The following EVL variants were observed in gnomAD, a reference collection of about 807,000 sequenced individuals.
EVL encodes ena/VASP-like protein.
EVL carries 21 observed loss-of-function variants against 59.6 expected under a neutral mutation model. The observed-to-expected ratio is 0.35, with a 90% CI of 0.25 to 0.51. EVL has a LOEUF of 0.51. Among genes scored for constraint, EVL ranks in the 20% least tolerant of loss-of-function variants. The pLI is 0.97. For missense variants in EVL, 462 were observed against 546.6 expected (o/e 0.85, Z 1.54); for synonymous variants, 198 against 203.5 (o/e 0.97, Z 0.23).
Position 100,098,664 on chromosome 14 carries a change from C to T in EVL, c.358+1006C>T, listed in dbSNP as rs545011007. The stretch of plus-strand genomic sequence containing the variant: ...AACAAGGCTTTCCCAGGATGGGTGT[C>T]TTGATTGACTGGGTTATGGTCCTGC... On this transcript the variant is annotated intron_variant, in intron 3 of 13. Coordinates refer to ENST00000392920, the MANE Select transcript of EVL (RefSeq NM_016337.3). Among the ~76,000 whole-genome samples, 281 of 152,284 alleles carry T rather than the reference C, an allele frequency of 1.8e-3. 1 individual carries two copies. Among genetic ancestry groups the T allele is most frequent in the Non-Finnish European group, 3.3e-3 (225 of 68,016 alleles).
chr14:99,987,064 A>T (rs528623611), intron 1 of EVL, among the ~76,000 whole-genome samples: 2 of 152,362 alleles, frequency 1.3e-5, no homozygotes, highest in African/African-American at 4.8e-5. Context: ...GATTTTATCA[A>T]AATTAAAAAT....
intron 1 of EVL, among the ~76,000 whole-genome samples, chr14:99,998,478 T>C (rs1055132855): frequency 1.3e-5 from 2 of 152,236 alleles, no homozygotes; most frequent in African/African-American, 2.4e-5. Context: ...AGCATTGTTA[T>C]CTGTATGCTG....
At chr14:100,033,748 C>T (rs1271709578) in intron 1 of EVL, among the ~76,000 whole-genome samples, 2 of 152,174 alleles carry the variant, frequency 1.3e-5, no homozygotes, top group African/African-American at 4.8e-5. Flanking sequence ...GTTGTCATGT[C>T]CATTTTACAG....
At chr14:100,073,483 G>A (rs1222447441) in intron 1 of EVL, among the ~76,000 whole-genome samples, 1 of 151,894 alleles carries the variant, frequency 6.6e-6, no homozygotes, top group Non-Finnish European at 1.5e-5. Context: ...CACCATGCGT[G>A]GCTAACACTT....
At chr14:100,046,032 ATT>A (rs759413610) in intron 1 of EVL, among the ~76,000 whole-genome samples, 13 of 152,096 alleles carry the variant, frequency 8.5e-5, no homozygotes, top group Non-Finnish European at 1.6e-4. Flanking sequence ...ATTTTCCCCC[ATT>A]TTGTCATTGG....
chr14:100,041,204 T>TA (rs2061462585), intron 1 of EVL, among the ~76,000 whole-genome samples: 1 of 152,200 alleles, frequency 6.6e-6, no homozygotes, highest in Non-Finnish European at 1.5e-5. Flanking sequence ...AGGAGGAAGT[T>TA]ATGATTGGCA....
chr14:100,115,777 T>G (rs1887303274), intron 3 of EVL, among the ~76,000 whole-genome samples: 1 of 152,196 alleles, frequency 6.6e-6, no homozygotes, highest in African/African-American at 2.4e-5. Context: ...ACTAGAAAAT[T>G]CACGCCGGGT....
chr14:100,142,001 C>T (rs1595264850), intron 13 of EVL: 1 of 465,874 alleles, frequency 2.1e-6, no homozygotes, highest in East Asian at 3.3e-5. Flanking sequence ...TTGTAGCTCC[C>T]TGGTAGCATG....
At chr14:99,975,879 A>G (rs2060766946) in intron 1 of EVL, among the ~76,000 whole-genome samples, 2 of 151,862 alleles carry the variant, frequency 1.3e-5, no homozygotes, top group African/African-American at 4.8e-5. Flanking sequence ...TCTGCATTTT[A>G]CATGTTTCTC....
intron 1 of EVL, among the ~76,000 whole-genome samples, chr14:99,980,715 G>A (rs1019215169): frequency 1.3e-5 from 2 of 152,218 alleles, no homozygotes; most frequent in African/African-American, 4.8e-5. Flanking sequence ...AAGGGCTATA[G>A]GGATTCCGTG....
chr14:100,077,384 A>G (rs1055698939), intron 1 of EVL, among the ~76,000 whole-genome samples: 5 of 152,238 alleles, frequency 3.3e-5, no homozygotes, highest in African/African-American at 1.2e-4. Flanking sequence ...TGTTGCTTCC[A>G]TTCCTTGAAA....
intron 1 of EVL, chr14:100,019,658 C>A: frequency 6.5e-7 from 1 of 1,533,112 alleles, no homozygotes; most frequent in Non-Finnish European, 8.7e-7. Context: ...TTGTCTCTGA[C>A]TAGGTCATGT....
intron 1 of EVL, among the ~76,000 whole-genome samples, chr14:100,059,750 GA>G (rs1298897407): frequency 6.6e-6 from 1 of 151,368 alleles, no homozygotes; most frequent in Non-Finnish European, 1.5e-5. Flanking sequence ...AGAGGAGGGG[GA>G]TACCCTAGGG....
At chr14:100,053,946 C>T (rs1021141611) in intron 1 of EVL, among the ~76,000 whole-genome samples, 1 of 151,314 alleles carries the variant, frequency 6.6e-6, no homozygotes, top group Non-Finnish European at 1.5e-5. Flanking sequence ...TGTGCCCAGC[C>T]CCTCTTGCAT....
At chr14:100,087,334 G>T (rs2062467098) in intron 2 of EVL, among the ~76,000 whole-genome samples, 1 of 152,354 alleles carries the variant, frequency 6.6e-6, no homozygotes, top group East Asian at 1.9e-4. Flanking sequence ...AAAAAATGTG[G>T]CTGTTGCAGT....
intron 1 of EVL, among the ~76,000 whole-genome samples, chr14:100,042,002 A>C (rs2061474351): frequency 6.6e-6 from 1 of 152,220 alleles, no homozygotes; most frequent in Admixed American, 6.5e-5. Context: ...CTGCATGTGG[A>C]ATTTTAAATA....
intron 13 of EVL, 149 bp downstream of exon 13, chr14:100,141,942 G>A: frequency 1.7e-6 from 1 of 575,554 alleles, no homozygotes; most frequent in South Asian, 3.3e-5. Flanking sequence ...ATCTCTAGTT[G>A]AGGAAACAGG....
At chr14:100,110,427 G>A (rs1272440841) in intron 3 of EVL, among the ~76,000 whole-genome samples, 3 of 152,076 alleles carry the variant, frequency 2.0e-5, no homozygotes, top group African/African-American at 7.2e-5. Context: ...GGTGCCAGCA[G>A]CCATCACGTT....
intron 1 of EVL, among the ~76,000 whole-genome samples, chr14:99,980,410 A>G (rs1013165657): frequency 6.6e-6 from 1 of 152,184 alleles, no homozygotes; most frequent in African/African-American, 2.4e-5. Flanking sequence ...ATTCTCAGAA[A>G]GTTACCTGCC....
Sources: gnomAD v4.1 joint callset for allele counts (sites outside exome capture counted in the v4.1 genomes callset) on GRCh38, gnomAD v4.1.1 for gene constraint, MANE v1.5 for transcripts, NCBI Gene and HGNC (gene_info 2026-07-23, HGNC 2026-07-21) for gene names.